The following PNKD variants were observed in gnomAD, a reference collection of about 807,000 sequenced individuals.
The protein encoded by PNKD is probable thioesterase PNKD.
Under a neutral mutation model 45.3 loss-of-function variants are expected in PNKD, and 36 were observed. The ratio of observed to expected loss-of-function variants is 0.80; its 90% CI spans 0.61 to 1.05. PNKD has a LOEUF of 1.05. Among genes scored for constraint, PNKD ranks in the 50% least tolerant of loss-of-function variants. The pLI, the probability that PNKD is intolerant of heterozygous loss-of-function variation, is 0.00. For synonymous variants in PNKD, 197 were observed against 210.1 expected, an observed-to-expected ratio of 0.94 and a Z score of 0.54; for missense variants, 511 against 506.6, an observed-to-expected ratio of 1.01 and a Z score of -0.08.
intron 2 of PNKD, among the ~76,000 whole-genome samples, chr2:218,310,463 C>T (rs1032558618): frequency 6.6e-6 from 1 of 151,710 alleles, no homozygotes; most frequent in African/African-American, 2.4e-5. Context: ...ACCTTGTTAT[C>T]CCCCCACCTC....
chr2:218,280,171 T>C (rs1327176519), intron 2 of PNKD: 1 of 1,415,804 alleles, frequency 7.1e-7, no homozygotes, highest in South Asian at 1.2e-5. Context: ...CTGAGACATG[T>C]GGCGTCAATC....
chr2:218,299,913 GC>G (rs1460842063), intron 2 of PNKD, among the ~76,000 whole-genome samples: 1 of 151,982 alleles, frequency 6.6e-6, no homozygotes, highest in South Asian at 2.1e-4. Context: ...GAGCCACCGC[GC>G]CCGGCTAATT....
intron 2 of PNKD, chr2:218,323,485 AG>A: frequency 1.6e-6 from 1 of 641,136 alleles, no homozygotes; most frequent in South Asian, 3.6e-5. Context: ...GCGCTGGGAG[AG>A]GGGACTGGGA....
chr2:218,271,080 G>T, intron 1 of PNKD: 1 of 517,544 alleles, frequency 1.9e-6, no homozygotes, highest in Non-Finnish European at 3.5e-6. Context: ...TCCTTCATAC[G>T]TCTTATGTGA....
chr2:218,320,742 T>G, intron 2 of PNKD, among the ~76,000 whole-genome samples: 1 of 152,242 alleles, frequency 6.6e-6, no homozygotes, highest in South Asian at 2.1e-4. Context: ...AGGCACAGTA[T>G]GTGCAAAGGC....
In PNKD at chr2:218,279,261, G is replaced by A. The variant is rs775401061; in HGVS notation, c.236+7712G>A. 3.8e-6 allele frequency: 6 copies of A among 1,565,560 alleles called. No homozygotes were observed. The South Asian group carries it at 6.0e-5, about 16-fold the overall frequency. ...TGACCCTGAACCCCCAGGGCAGTAG[G>A]AGTGGGTGGCAAAGCCTAGAGACTT... is the stretch of plus-strand genomic sequence containing the variant. On this transcript the variant is annotated intron_variant, in intron 2 of 9. Coordinates refer to ENST00000273077, the MANE Select transcript of PNKD (RefSeq NM_015488.5).
intron 2 of PNKD, among the ~76,000 whole-genome samples, chr2:218,328,491 A>G (rs1432107697): frequency 6.6e-6 from 1 of 152,208 alleles, no homozygotes; most frequent in African/African-American, 2.4e-5. Context: ...ATATGGCTAC[A>G]CAGGGGGAGA....
intron 2 of PNKD, chr2:218,279,081 T>C (rs750235965): frequency 6.2e-7 from 1 of 1,614,002 alleles, no homozygotes; most frequent in African/African-American, 1.3e-5. Flanking sequence ...ACAAAGGCGC[T>C]GACAGGTTCC....
intron 2 of PNKD, chr2:218,278,455 A>G (rs1457250170): frequency 6.5e-7 from 1 of 1,536,158 alleles, no homozygotes; most frequent in Non-Finnish European, 9.0e-7. Context: ...TTTCCAAAAT[A>G]CTCGGCCCCC....
At chr2:218,329,365 G>A (rs1462442159) in intron 2 of PNKD, among the ~76,000 whole-genome samples, 2 of 152,222 alleles carry the variant, frequency 1.3e-5, no homozygotes, top group Admixed American at 6.5e-5. Context: ...GGAGAGAAGG[G>A]GAAAGCCACA....
intron 2 of PNKD, chr2:218,282,189 G>T: frequency 1.4e-6 from 2 of 1,393,302 alleles, no homozygotes; most frequent in Non-Finnish European, 1.9e-6. Flanking sequence ...GACCTGAAAT[G>T]GGAGAGGAGA....
intron 2 of PNKD, among the ~76,000 whole-genome samples, chr2:218,304,827 C>G (rs1306472739): frequency 6.6e-6 from 1 of 152,140 alleles, no homozygotes; most frequent in Non-Finnish European, 1.5e-5. Context: ...GTAATCCCAG[C>G]ACTTTGGGAG....
intron 2 of PNKD, among the ~76,000 whole-genome samples, chr2:218,316,211 G>A (rs1029333046): frequency 1.3e-5 from 2 of 151,970 alleles, no homozygotes; most frequent in Admixed American, 1.3e-4. Context: ...TTGAGATAAA[G>A]GCAGAATGGA....
At chr2:218,315,720 C>A (rs1026372486) in intron 2 of PNKD, among the ~76,000 whole-genome samples, 1 of 152,112 alleles carries the variant, frequency 6.6e-6, no homozygotes, top group African/African-American at 2.4e-5. Flanking sequence ...CCCTTTAATT[C>A]GGGTAGAATT....
chr2:218,343,340 G>T (rs1272328467), intron 7 of PNKD, among the ~76,000 whole-genome samples, 160 bp from the exon 8 acceptor site: 1 of 152,192 alleles, frequency 6.6e-6, no homozygotes, highest in Non-Finnish European at 1.5e-5. Flanking sequence ...CCAGTTCCCA[G>T]TGAGGAGGGA....
chr2:218,320,497 G>C (rs1693956327), intron 2 of PNKD, among the ~76,000 whole-genome samples: 1 of 152,206 alleles, frequency 6.6e-6, no homozygotes, highest in Admixed American at 6.5e-5. Flanking sequence ...GAACCCTGGA[G>C]TTTGAGGCTG....
At chr2:218,297,651 C>A (rs868113956) in intron 2 of PNKD, among the ~76,000 whole-genome samples, 44 of 140,294 alleles carry the variant, frequency 3.1e-4, no homozygotes, top group Non-Finnish European at 4.1e-4. Flanking sequence ...TGCCACTGCT[C>A]TCCAGCCTGG....
chr2:218,314,079 A>G (rs1693694687), intron 2 of PNKD, among the ~76,000 whole-genome samples: 1 of 149,674 alleles, frequency 6.7e-6, no homozygotes, highest in Admixed American at 6.7e-5. Context: ...GTGCCACCAC[A>G]CCCGGCTAAT....
chr2:218,288,339 G>C (rs1023747879), intron 2 of PNKD, among the ~76,000 whole-genome samples: 2 of 152,222 alleles, frequency 1.3e-5, no homozygotes, highest in South Asian at 4.1e-4. Context: ...TGAGGCAGAA[G>C]AATGGCATGA....
Sources: allele counts gnomAD v4.1 joint callset (sites outside exome capture counted in the v4.1 genomes callset), GRCh38; gene constraint gnomAD v4.1.1; transcripts MANE v1.5; gene names NCBI Gene and HGNC (gene_info 2026-07-23, HGNC 2026-07-21).